The following SLC3A2 variants were observed in gnomAD, a reference collection of about 807,000 sequenced individuals.
SLC3A2 encodes solute carrier family 3 member 2, also known as amino acid transporter heavy chain SLC3A2.
SLC3A2 carries 32 observed loss-of-function variants against 48.5 expected under a neutral mutation model. The observed-to-expected ratio is 0.66, with a 90% CI of 0.50 to 0.89. The LOEUF (loss-of-function observed/expected upper bound fraction) is 0.89. Among genes scored for constraint, SLC3A2 ranks in the 40% least tolerant of loss-of-function variants. The pLI is 0.00. For missense variants in SLC3A2, 587 were observed against 680.7 expected, an observed-to-expected ratio of 0.86 and a Z score of 1.53; for synonymous variants, 277 against 288.8, an observed-to-expected ratio of 0.96 and a Z score of 0.41.
chr11:62,875,409 G>C (rs961445758), intron 1 of SLC3A2, among the ~76,000 whole-genome samples: 2 of 152,144 alleles, frequency 1.3e-5, no homozygotes, highest in African/African-American at 4.8e-5. Context: ...ATCAAAATTA[G>C]CTGGGCGTGG....
intron 2 of SLC3A2, 105 bp downstream of exon 2, chr11:62,882,171 C>G: frequency 7.4e-7 from 1 of 1,355,446 alleles, no homozygotes; most frequent in Non-Finnish European, 1.0e-6. Context: ...TCTGAGTTTT[C>G]CTAGGGCAGG....
chr11:62,888,232 A>G lies in SLC3A2; in HGVS notation c.1227+14A>G. ...ATGACTGTGAAGGTAAGAGTTCTAGATGGGTAGAAACTGACCGGTGGAGGG... is the reference window on the plus strand; with the variant it reads ...ATGACTGTGAAGGTAAGAGTTCTAGGTGGGTAGAAACTGACCGGTGGAGGG... On this transcript the variant is annotated intron_variant, in intron 8 of 8. Coordinates refer to ENST00000338663, the MANE Select transcript of SLC3A2 (RefSeq NM_001013251.3). 1 of 1,613,720 alleles carries G rather than the reference A, an allele frequency of 6.2e-7. No individual in the cohort carries two copies. The highest frequency in any genetic ancestry group is 8.5e-7 in the Non-Finnish European group (1 of 1,179,668).
At position 62,884,209 on chromosome 11, in the gene SLC3A2, G is replaced by T. The variant is rs1299883163; in HGVS notation, c.691-248G>T. 10 of 590,972 alleles carry T rather than the reference G, an allele frequency of 1.7e-5. No individual in the cohort carries two copies. In the Admixed American group the frequency reaches 2.9e-4, roughly 17 times the overall value. The allele number at this position is 590,972 out of a possible 1,614,324, so 36.6% of individuals were successfully genotyped here. A position where few individuals can be genotyped will look rare whatever the true frequency, so the allele number is the denominator to read the frequency against. ...TTCTGTGGCTTTCAAAGTTGAAGCT[G>T]TGTGATTTGCCAGAGGCAAGAATGA... On this transcript the variant is annotated intron_variant, in intron 3 of 8. Coordinates refer to ENST00000338663, the MANE Select transcript of SLC3A2 (RefSeq NM_001013251.3).
chr11:62,879,400 G>A (rs1489392512), upstream of SLC3A2, among the ~76,000 whole-genome samples: 2 of 152,178 alleles, frequency 1.3e-5, no homozygotes, highest in Non-Finnish European at 2.9e-5. Flanking sequence ...GTCACACTGC[G>A]CCCAGCCTTG....
At chr11:62,860,966 T>A (rs535230043) in intron 1 of SLC3A2, among the ~76,000 whole-genome samples, 10 of 152,276 alleles carry the variant, frequency 6.6e-5, no homozygotes, top group African/African-American at 2.4e-4. Context: ...GGTTACAGAT[T>A]AACGGTGTTT....
At chr11:62,887,699 CAAAA>C (rs753559403) in intron 7 of SLC3A2, among the ~76,000 whole-genome samples, 4 of 89,580 alleles carry the variant, frequency 4.5e-5, no homozygotes, top group Non-Finnish European at 4.5e-5. Flanking sequence ...GACTCCGTCT[CAAAA>C]AAAAAAAAAA....
In SLC3A2 at chr11:62,881,666, T is replaced by A; in HGVS notation, c.424+219T>A. 2.3e-6 allele frequency: 2 copies of A among 866,186 alleles called. No homozygotes were observed. Among genetic ancestry groups the A allele is most frequent in the South Asian group, 3.7e-5 (2 of 54,662 alleles). The allele number at this position is 866,186 out of a possible 1,614,324, so 53.7% of individuals were successfully genotyped here. Reference sequence around the variant, plus strand: ...TCACTCCGTCACGAGGGTGGGTGACTCAGCGTCCTCCTTCCCCGCGGCGCC... The same window carrying A: ...TCACTCCGTCACGAGGGTGGGTGACACAGCGTCCTCCTTCCCCGCGGCGCC... On this transcript the variant is annotated intron_variant, in intron 1 of 8. Coordinates refer to ENST00000338663, the MANE Select transcript of SLC3A2 (RefSeq NM_001013251.3). This position sits in a 1 kb window ranked among gnomAD's most constrained non-coding sequence, Gnocchi z 4.0.
intron 1 of SLC3A2, among the ~76,000 whole-genome samples, chr11:62,875,424 G>GCACCT (rs2085561022): frequency 6.6e-6 from 1 of 152,120 alleles, no homozygotes; most frequent in East Asian, 1.9e-4. Context: ...GCGTGGTGGT[G>GCACCT]GGCACCTGGA....
Position 62,881,839 on chromosome 11 carries a change from G to C in SLC3A2, c.425-54G>C. On this transcript the variant is annotated intron_variant, in intron 1 of 8. Coordinates refer to ENST00000338663, the MANE Select transcript of SLC3A2 (RefSeq NM_001013251.3). This position sits in a 1 kb window ranked among gnomAD's most constrained non-coding sequence, Gnocchi z 4.0. ...AGGCGCTGGGAGAAGGGAGGGTGGG[G>C]AGGTCAGGGGCCTCTCAGAGGGGCC... 6.3e-7 allele frequency: 1 copy of C among 1,583,804 alleles called. No individual in the cohort carries two copies. Among genetic ancestry groups the C allele is most frequent in the Non-Finnish European group, 8.6e-7 (1 of 1,160,068 alleles).
intron 1 of SLC3A2, among the ~76,000 whole-genome samples, chr11:62,862,752 T>G (rs2085414899): frequency 6.6e-6 from 1 of 152,178 alleles, no homozygotes; most frequent in Admixed American, 6.6e-5. Context: ...TCATTGACTG[T>G]CCTACCTTAC....
At chr11:62,867,619 C>T (rs143446807) in intron 1 of SLC3A2, among the ~76,000 whole-genome samples, 3,409 of 151,308 alleles carry the variant, frequency 0.023, 115 homozygotes, top group African/African-American at 0.077. Context: ...CCACCGTGCC[C>T]GGCTGCTTCC....
At chr11:62,868,204 G>C (rs2085473441) in intron 1 of SLC3A2, among the ~76,000 whole-genome samples, 1 of 152,040 alleles carries the variant, frequency 6.6e-6, no homozygotes, top group Non-Finnish European at 1.5e-5. Flanking sequence ...TTACAGGTGT[G>C]AGCCACCACG....
chr11:62,877,309 C>T (rs1272058166), upstream of SLC3A2, among the ~76,000 whole-genome samples: 2 of 152,164 alleles, frequency 1.3e-5, no homozygotes, highest in African/African-American at 4.8e-5. Context: ...GATCTGCCTG[C>T]CTTGGTCTCC....
intron 1 of SLC3A2, among the ~76,000 whole-genome samples, chr11:62,872,615 T>C (rs764943330): frequency 1.3e-5 from 2 of 152,224 alleles, no homozygotes; most frequent in Non-Finnish European, 2.9e-5. Context: ...ATTTTTTCTT[T>C]CTTTGAGACG....
At chr11:62,882,640 A>G (rs544471825) in intron 2 of SLC3A2, 39 of 396,322 alleles carry the variant, frequency 9.8e-5, no homozygotes, top group African/African-American at 7.4e-4. Context: ...GTGTGCCACC[A>G]CACCCAGATA....
chr11:62,888,250 G>A (rs1331220372), intron 8 of SLC3A2, 32 bp downstream of exon 8: 2 of 1,611,322 alleles, frequency 1.2e-6, no homozygotes, highest in African/African-American at 1.3e-5. Flanking sequence ...AAACTGACCG[G>A]TGGAGGGTGG....
chr11:62,882,310 A>G (rs2085652195), intron 2 of SLC3A2: 1 of 490,152 alleles, frequency 2.0e-6, no homozygotes, highest in Non-Finnish European at 3.7e-6. Context: ...TTTGCAAAAT[A>G]TAGATATTTA....
chr11:62,871,565 T>A (rs1310608118), intron 1 of SLC3A2: 2 of 635,962 alleles, frequency 3.1e-6, no homozygotes, highest in Non-Finnish European at 5.7e-6. Flanking sequence ...TTATTATTAT[T>A]ATTATTTGTA....
intron 1 of SLC3A2, among the ~76,000 whole-genome samples, chr11:62,861,249 T>C (rs2085395474): frequency 6.7e-6 from 1 of 149,904 alleles, no homozygotes; most frequent in Admixed American, 6.7e-5. Flanking sequence ...GTGGGGAGGA[T>C]TGCTTGAGCC....
Sources: allele counts gnomAD v4.1 joint callset (sites outside exome capture counted in the v4.1 genomes callset), GRCh38; gene constraint gnomAD v4.1.1; non-coding constraint Gnocchi (gnomAD v3.1); transcripts MANE v1.5; gene names NCBI Gene and HGNC (gene_info 2026-07-23, HGNC 2026-07-21).